The following SMOC2 variants were observed in gnomAD, a reference collection of about 807,000 sequenced individuals.
The protein encoded by SMOC2 is SPARC related modular calcium binding 2.
In SMOC2, 39 loss-of-function variants were observed where a neutral mutation model predicts 61.4. That is an observed-to-expected ratio of 0.64 (90% confidence interval 0.49 to 0.83). SMOC2 has a LOEUF of 0.83. SMOC2 is among the 40% of genes least tolerant of loss of function. The probability of loss-of-function intolerance (pLI) is 0.00; values close to 1 mark genes in which losing one functional copy is unlikely to be tolerated. For synonymous variants in SMOC2, 247 were observed against 239.9 expected, an observed-to-expected ratio of 1.03 and a Z score of -0.27; for missense variants, 556 against 592.9, an observed-to-expected ratio of 0.94 and a Z score of 0.65.
At chr6:168,628,532 C>T (rs1219689916) in intron 9 of SMOC2, among the ~76,000 whole-genome samples, 3 of 152,174 alleles carry the variant, frequency 2.0e-5, no homozygotes, top group African/African-American at 4.8e-5. Flanking sequence ...CATTAGGAAA[C>T]AGGAGTATGT....
At chr6:168,580,672 G>A (rs1317734034) in intron 7 of SMOC2, among the ~76,000 whole-genome samples, 2 of 152,170 alleles carry the variant, frequency 1.3e-5, no homozygotes, top group Non-Finnish European at 2.9e-5. Context: ...CTCCTGAGTA[G>A]CTGGGACTGC....
intron 2 of SMOC2, among the ~76,000 whole-genome samples, chr6:168,516,694 C>A (rs74300277): frequency 6.6e-6 from 1 of 152,162 alleles, no homozygotes; most frequent in South Asian, 2.1e-4. Flanking sequence ...ACAAGATGAA[C>A]GCACATGCTG....
At chr6:168,516,798 C>CA (rs1783146480) in intron 2 of SMOC2, among the ~76,000 whole-genome samples, 1 of 152,048 alleles carries the variant, frequency 6.6e-6, no homozygotes, top group Non-Finnish European at 1.5e-5. Context: ...AATACAACAA[C>CA]AAAAAAATAG....
intron 1 of SMOC2, among the ~76,000 whole-genome samples, chr6:168,471,002 T>C (rs911734677): frequency 2.0e-5 from 3 of 152,312 alleles, no homozygotes; most frequent in Admixed American, 6.5e-5. Flanking sequence ...TATATATAAA[T>C]TTTATTACAT....
intron 10 of SMOC2, among the ~76,000 whole-genome samples, chr6:168,651,624 A>T (rs1787194758): frequency 6.6e-6 from 1 of 152,122 alleles, no homozygotes; most frequent in Admixed American, 6.6e-5. Flanking sequence ...CAGCCACTTT[A>T]GGTGATTTTT....
chr6:168,519,534 G>A (rs1783276184), intron 2 of SMOC2, among the ~76,000 whole-genome samples: 1 of 152,202 alleles, frequency 6.6e-6, no homozygotes. Context: ...AGGAGATTCA[G>A]GGCCTTCGGT....
intron 5 of SMOC2, among the ~76,000 whole-genome samples, chr6:168,543,960 A>AGAGGG (rs1783934310): frequency 6.6e-6 from 1 of 152,084 alleles, no homozygotes. Context: ...GTGACTGTGG[A>AGAGGG]GAGGGCTGAG....
At chr6:168,441,548 G>A (rs936229492) in intron 1 of SMOC2, 94 bp downstream of exon 1, 23 of 1,357,402 alleles carry the variant, frequency 1.7e-5, no homozygotes, top group Admixed American at 3.8e-5. Context: ...AGGCCCAGGC[G>A]CCTGGGCACG....
intron 1 of SMOC2, among the ~76,000 whole-genome samples, chr6:168,454,634 G>C (rs1465465460): frequency 6.6e-6 from 1 of 152,084 alleles, no homozygotes; most frequent in Non-Finnish European, 1.5e-5. Flanking sequence ...GATTGTTCTT[G>C]GGATTTTCTA....
chr6:168,638,620 T>A (rs1786807882), intron 9 of SMOC2, among the ~76,000 whole-genome samples: 1 of 152,150 alleles, frequency 6.6e-6, no homozygotes, highest in Non-Finnish European at 1.5e-5. Context: ...GGAAGGCCCA[T>A]CAGGAGGGAC....
rs1346479328 is a variant in SMOC2, at chr6:168,666,697, T to C, written c.*259T>C. ...TGTATGTGGTGGAGAAGTATTTGAA[T>C]GCATTTAGGCTTAATTTCTTCGCCT... On this transcript the variant is annotated 3_prime_UTR_variant, in exon 13 of 13. Coordinates refer to ENST00000356284, the MANE Select transcript of SMOC2 (RefSeq NM_001166412.2). The C allele has an allele frequency of 3.7e-6, 2 of 538,118 alleles. No homozygotes were observed. Among genetic ancestry groups the C allele is most frequent in the Admixed American group, 6.7e-5 (2 of 30,014 alleles). The allele number at this position is 538,118 out of a possible 1,614,324, so 33.3% of individuals were successfully genotyped here.
Position 168,547,244 on chromosome 6 carries a change from C to T in SMOC2, c.562+75C>T, listed in dbSNP as rs577119781. ...GACGGTATGGAGCTGGGAAGTGGAG[C>T]GAGTCATCTTGTTAGAGCTCCGTTC... On this transcript the variant is annotated intron_variant, in intron 6 of 12. Coordinates refer to ENST00000356284, the MANE Select transcript of SMOC2 (RefSeq NM_001166412.2). The T allele has an allele frequency of 1.2e-4, 161 of 1,334,060 alleles. No homozygotes were observed. In the African/African-American group the frequency reaches 1.9e-3, roughly 16 times the overall value. The allele number at this position is 1,334,060 out of a possible 1,614,324, so 82.6% of individuals were successfully genotyped here.
At chr6:168,459,898 C>T (rs550103693) in intron 1 of SMOC2, among the ~76,000 whole-genome samples, 10 of 152,096 alleles carry the variant, frequency 6.6e-5, no homozygotes, top group East Asian at 1.9e-4. Flanking sequence ...AGAAGAGCCC[C>T]GAAGTCCGTG....
chr6:168,471,747 A>G (rs1038342519), intron 1 of SMOC2, among the ~76,000 whole-genome samples: 2 of 151,950 alleles, frequency 1.3e-5, no homozygotes, highest in Admixed American at 6.6e-5. Context: ...TTATTTGTCT[A>G]TGTATGTATG....
chr6:168,558,218 C>T (rs1583107445), intron 7 of SMOC2, among the ~76,000 whole-genome samples: 1 of 152,170 alleles, frequency 6.6e-6, no homozygotes, highest in African/African-American at 2.4e-5. Context: ...CAGGCAGAGC[C>T]GCAACCTTCT....
At chr6:168,519,889 T>C (rs1343726604) in intron 2 of SMOC2, among the ~76,000 whole-genome samples, 1 of 152,250 alleles carries the variant, frequency 6.6e-6, no homozygotes, top group Non-Finnish European at 1.5e-5. Flanking sequence ...GCAGTTTCTC[T>C]TAACTTTCTC....
chr6:168,507,494 G>A (rs536635414), intron 1 of SMOC2, among the ~76,000 whole-genome samples: 65 of 152,234 alleles, frequency 4.3e-4, no homozygotes, highest in Non-Finnish European at 8.7e-4. Context: ...CTGTGACTCG[G>A]AAGCATTTTA....
At chr6:168,441,477 T>C in intron 1 of SMOC2, 23 bp downstream of exon 1, 1 of 1,484,124 alleles carries the variant, frequency 6.7e-7, no homozygotes, top group Non-Finnish European at 8.9e-7. Context: ...CCGCGGGACC[T>C]GGAGCTCAAG....
chr6:168,480,601 G>A (rs571229688), intron 1 of SMOC2, among the ~76,000 whole-genome samples: 1 of 152,018 alleles, frequency 6.6e-6, no homozygotes, highest in East Asian at 1.9e-4. Flanking sequence ...TGGAAGAAAA[G>A]GCAAAAGAGA....
Sources: allele counts gnomAD v4.1 joint callset (sites outside exome capture counted in the v4.1 genomes callset), GRCh38; gene constraint gnomAD v4.1.1; transcripts MANE v1.5; gene names NCBI Gene and HGNC (gene_info 2026-07-23, HGNC 2026-07-21).